IDH2: variants seen among roughly 807,000 people sequenced by gnomAD.
The protein encoded by IDH2 is isocitrate dehydrogenase [NADP], mitochondrial.
A neutral mutation model predicts 50.5 loss-of-function variants in IDH2; 18 were observed. The observed-to-expected ratio is 0.36, with a 90% CI of 0.25 to 0.53. The LOEUF (loss-of-function observed/expected upper bound fraction) is 0.53, where lower values mean the gene tolerates loss of function less well. Ranked by LOEUF, IDH2 falls within the 20% of genes least tolerant of loss-of-function variation. The pLI is 0.92. For missense variants in IDH2, 518 were observed against 610.7 expected (o/e 0.85, Z 1.60); for synonymous variants, 280 against 239.8 (o/e 1.17, Z -1.55).
intron 3 of IDH2, 31 bp downstream of exon 3, chr15:90,090,448 C>T (rs1209170195): frequency 6.2e-7 from 1 of 1,610,754 alleles, no homozygotes; most frequent in African/African-American, 1.3e-5. Flanking sequence ...CTGTGACCCT[C>T]CCTGGCCCGC....
chr15:90,093,969 C>T (rs1901116568), intron 1 of IDH2, among the ~76,000 whole-genome samples: 1 of 152,164 alleles, frequency 6.6e-6, no homozygotes, highest in Non-Finnish European at 1.5e-5. Flanking sequence ...AGGTTAACAG[C>T]TTACTGCCCA....
In IDH2 at chr15:90,088,488, G is replaced by C; in HGVS notation, c.549C>G (p.Asp183Glu). The C allele has an allele frequency of 1.9e-6, 3 of 1,614,232 alleles. No individual in the cohort carries two copies. Among genetic ancestry groups the C allele is most frequent in the Non-Finnish European group, 2.5e-6 (3 of 1,180,038 alleles). Reference protein sequence around the residue: ...HAHGDQYKATDFVADRAGTFK... With the variant: ...HAHGDQYKATEFVADRAGTFK... ...AAGTGCCGGCCCGGTCTGCCACAAAGTCTGTGGCCTTGTACTGCAGAGACA... is the reference window on the plus strand; with the variant it reads ...AAGTGCCGGCCCGGTCTGCCACAAACTCTGTGGCCTTGTACTGCAGAGACA... Residue 183 changes from aspartate to glutamate, a missense_variant, in exon 5 of 11, where the codon GAC (aspartate) becomes GAG (glutamate). This residue lies in a region of IDH2 where 207 missense variants were observed against 208.6 expected (regional missense o/e 0.99). Coordinates refer to ENST00000330062, the MANE Select transcript of IDH2 (RefSeq NM_002168.4).
At position 90,085,516 on chromosome 15, in the gene IDH2, G is replaced by A; in HGVS notation, c.968-129C>T. 1.4e-6 allele frequency: 1 copy of A among 728,880 alleles called. No homozygotes were observed. Among genetic ancestry groups the A allele is most frequent in the African/African-American group, 1.7e-5 (1 of 57,702 alleles). 45.2% of individuals were successfully genotyped at this position (728,880 alleles called of 1,614,324 possible). On this transcript the variant is annotated intron_variant, in intron 7 of 10. Transcript: ENST00000330062. The surrounding 1 kb of genome is among the most constrained non-coding windows in gnomAD (Gnocchi z 5.5). ...TGGCTCTACTCAGCCTCCCCCAGCT[G>A]CAACTGGGAGGACAGGGACTGTTCC...
chr15:90,088,906 A>ATTT lies in IDH2; in HGVS notation c.374-162_374-160dup, dbSNP rs57901991. On this transcript the variant is annotated intron_variant, in intron 3 of 10. Coordinates refer to ENST00000330062, the MANE Select transcript of IDH2 (RefSeq NM_002168.4). ...AATGTGTGGGCTCTGGAGTCTGCCA[A>ATTT]TTTTTTTTTTTTTTTTTTTTTTTTT... Among the ~76,000 whole-genome samples the ATTT allele has an allele frequency of 3.4e-3, 331 of 96,442 alleles. 2 individuals carry two copies. The highest frequency in any genetic ancestry group is 5.2e-3 in the Non-Finnish European group (251 of 48,108). The allele number at this position is 96,442 out of a possible 152,430, so 63.3% of individuals were successfully genotyped here.
In IDH2 at chr15:90,083,779, C is replaced by A; in HGVS notation, c.*487G>T. The A allele has an allele frequency of 4.4e-6, 1 of 225,616 alleles. No homozygotes were observed. The highest frequency in any genetic ancestry group is 9.0e-6 in the Non-Finnish European group (1 of 111,138). The allele number at this position is 225,616 out of a possible 1,614,324, so 14.0% of individuals were successfully genotyped here. ...TAGAAAATTCCAGGGAACCCACAGG[C>A]CTGTGCCCTGAGTGTCCGAGAACTC... is the stretch of plus-strand genomic sequence containing the variant. On this transcript the variant is annotated 3_prime_UTR_variant, in exon 11 of 11. Coordinates refer to ENST00000330062, the MANE Select transcript of IDH2 (RefSeq NM_002168.4).
Position 90,102,224 on chromosome 15 carries a change from C to T in IDH2, c.115+52G>A, listed in dbSNP as rs563655870. 4.0e-4 allele frequency: 315 copies of T among 778,704 alleles called. 6 individuals are homozygous for T. The South Asian group carries it at 0.018, about 43-fold the overall frequency. The allele number at this position is 778,704 out of a possible 1,614,324, so 48.2% of individuals were successfully genotyped here. ...TCCCGGCCCCAGCCTGGGAAGCCGC[C>T]ACGTCGCAGCTGGGGGCGCGCGCCT... On this transcript the variant is annotated intron_variant, in intron 1 of 10. Transcript: ENST00000330062.
chr15:90,098,692 T>G lies in IDH2; in HGVS notation c.115+3584A>C, dbSNP rs554001354. On this transcript the variant is annotated intron_variant, in intron 1 of 10. Transcript: ENST00000330062. This position sits in a 1 kb window ranked among gnomAD's most constrained non-coding sequence, Gnocchi z 5.1. ...CTGAGTAGCTGGGACTACAGGCGCC[T>G]GCCACCACACCCAGCTAATTTTTGT... 6.6e-6 allele frequency among the ~76,000 whole-genome samples: 1 copy of G among 152,144 alleles called. No homozygotes were observed. The highest frequency in any genetic ancestry group is 1.9e-4 in the East Asian group (1 of 5,174).
At chr15:90,099,237 T>A (rs1901266812) in intron 1 of IDH2, among the ~76,000 whole-genome samples, 1 of 152,170 alleles carries the variant, frequency 6.6e-6, no homozygotes, top group Non-Finnish European at 1.5e-5. Flanking sequence ...CAGACCCCAC[T>A]GCCGAACCTC....
At chr15:90,086,090 T>C (rs149986459) in intron 7 of IDH2, among the ~76,000 whole-genome samples, 136 of 152,374 alleles carry the variant, frequency 8.9e-4, no homozygotes, top group African/African-American at 3.1e-3. Context: ...CTCTGCCTCA[T>C]CTGCTATGGC....
At chr15:90,097,173 G>C (rs570446573) in intron 1 of IDH2, among the ~76,000 whole-genome samples, 1 of 152,294 alleles carries the variant, frequency 6.6e-6, no homozygotes, top group African/African-American at 2.4e-5. Context: ...TGTGGTGTCA[G>C]TTACCCACAG....
At position 90,091,616 on chromosome 15, in the gene IDH2, C is replaced by G. The variant is rs773071883; in HGVS notation, c.144G>C (p.Lys48Asn). Residue 48 changes from lysine (K) to asparagine (N), a missense_variant, in exon 2 of 11, where the codon AAG becomes AAC. Physicochemically the swap from Lys to Asn is moderately conservative, Grantham distance 94. This residue lies in a region of IDH2 where 68 missense variants were observed against 109.7 expected (regional missense o/e 0.62). Transcript: ENST00000330062. ...CATCACCATCCATCTCCACCACGGG[C>G]TTCGCCACCTTGATCCTTTTGTCGG... is the stretch of plus-strand genomic sequence containing the variant. Reference protein sequence around the residue: ...HYADKRIKVAKPVVEMDGDEM... With the variant: ...HYADKRIKVANPVVEMDGDEM... The G allele has an allele frequency of 1.2e-6, 2 of 1,614,236 alleles. No individual in the cohort carries two copies. Among genetic ancestry groups the G allele is most frequent in the South Asian group, 2.2e-5 (2 of 91,092 alleles).
intron 3 of IDH2, among the ~76,000 whole-genome samples, chr15:90,089,018 G>T (rs542234186): frequency 6.0e-5 from 9 of 150,280 alleles, no homozygotes; most frequent in Admixed American, 4.0e-4. Context: ...GGGTTCAAGC[G>T]GTTCTCCTGC....
At chr15:90,096,277 G>T (rs1189330106) in intron 1 of IDH2, among the ~76,000 whole-genome samples, 1 of 152,122 alleles carries the variant, frequency 6.6e-6, no homozygotes, top group Admixed American at 6.5e-5. Flanking sequence ...TCCAGCCTGG[G>T]TAACAGGAAG....
At chr15:90,099,115 G>A (rs911622750) in intron 1 of IDH2, among the ~76,000 whole-genome samples, 11 of 152,120 alleles carry the variant, frequency 7.2e-5, no homozygotes, top group African/African-American at 2.7e-4. Context: ...TCTCTTGCCA[G>A]GTCCCTGAAG....
In IDH2 at chr15:90,084,918, T is replaced by A; in HGVS notation, c.1179-10A>T. The A allele has an allele frequency of 1.2e-6, 2 of 1,613,748 alleles. No individual in the cohort carries two copies. The highest frequency in any genetic ancestry group is 2.2e-5 in the South Asian group (2 of 91,076). Reference sequence around the variant, plus strand: ...CAGCATCTGGGCAAACCTATGGGGATGGGGCAGAATGAGACCCCATCTGTG... The same window carrying A: ...CAGCATCTGGGCAAACCTATGGGGAAGGGGCAGAATGAGACCCCATCTGTG... On this transcript the variant is annotated splice_polypyrimidine_tract_variant and intron_variant, in intron 9 of 10. Coordinates refer to ENST00000330062, the MANE Select transcript of IDH2 (RefSeq NM_002168.4). The surrounding 1 kb of genome is among the most constrained non-coding windows in gnomAD (Gnocchi z 5.0).
chr15:90,093,212 G>C lies in IDH2; in HGVS notation c.116-1568C>G, dbSNP rs1596077807. Among the ~76,000 whole-genome samples, 4 of 77,246 alleles carry C rather than the reference G, an allele frequency of 5.2e-5. No individual in the cohort carries two copies. In the East Asian group the frequency reaches 8.2e-4, roughly 16 times the overall value. The allele number at this position is 77,246 out of a possible 152,430, so 50.7% of individuals were successfully genotyped here. On this transcript the variant is annotated intron_variant, in intron 1 of 10. Transcript: ENST00000330062. ...GTATTTACTTATTGTTTAGAGTCAG[G>C]GTCTCTTTATCTCTCTCTGTTGCCC...
chr15:90,085,110 G>A lies in IDH2; in HGVS notation c.1081-12C>T. 6.2e-7 allele frequency: 1 copy of A among 1,612,534 alleles called. No homozygotes were observed. The highest frequency in any genetic ancestry group is 8.5e-7 in the Non-Finnish European group (1 of 1,179,112). On this transcript the variant is annotated splice_polypyrimidine_tract_variant and intron_variant, in intron 8 of 10. Coordinates refer to ENST00000330062, the MANE Select transcript of IDH2 (RefSeq NM_002168.4). This position sits in a 1 kb window ranked among gnomAD's most constrained non-coding sequence, Gnocchi z 5.5. ...CTGGTGGGCCGGCCCTGGGGACGGG[G>A]GTTGCAGGGAGATCAAGAGCCGAGC... is the stretch of plus-strand genomic sequence containing the variant.
chr15:90,091,477 C>A, intron 2 of IDH2, 76 bp downstream of exon 2: 1 of 1,152,752 alleles, frequency 8.7e-7, no homozygotes, highest in South Asian at 1.2e-5. Flanking sequence ...GACCTGCAGT[C>A]CAGAAGACCC....
chr15:90,101,540 T>G (rs770913503), intron 1 of IDH2, among the ~76,000 whole-genome samples: 72 of 152,184 alleles, frequency 4.7e-4, no homozygotes, highest in Non-Finnish European at 8.4e-4. Context: ...TGGGAACGAT[T>G]CCGCAAAGTG....
Sources: allele counts gnomAD v4.1 joint callset (sites outside exome capture counted in the v4.1 genomes callset), GRCh38; gene constraint gnomAD v4.1.1; regional missense constraint gnomAD v4.1.1; non-coding constraint Gnocchi (gnomAD v3.1); transcripts MANE v1.5; gene names NCBI Gene and HGNC (gene_info 2026-07-23, HGNC 2026-07-21).